Variants in CCT6B observed in about 807,000 individuals in gnomAD.
The protein encoded by CCT6B is chaperonin containing TCP1 subunit 6B.
In CCT6B, 49 loss-of-function variants were observed where a neutral mutation model predicts 61.5. The observed-to-expected ratio is 0.80, with a 90% confidence interval of 0.63 to 1.01. The LOEUF is 1.01. CCT6B is among the 50% of genes least tolerant of loss of function. The probability of loss-of-function intolerance (pLI) is 0.00; values close to 1 mark genes in which losing one functional copy is unlikely to be tolerated. For synonymous variants in CCT6B, 228 were observed against 214.5 expected (o/e 1.06, Z -0.55); for missense variants, 666 against 634.7 (o/e 1.05, Z -0.53).
intron 5 of CCT6B, among the ~76,000 whole-genome samples, chr17:34,947,360 A>G (rs2090235773): frequency 6.6e-6 from 1 of 152,228 alleles, no homozygotes; most frequent in South Asian, 2.1e-4. Flanking sequence ...ACATCATAGT[A>G]AAAGTATACA....
rs1411727230 is a variant in CCT6B at position 34,928,117 on chromosome 17, G to T, written c.1524C>A (p.Cys508Ter). The change falls in exon 14 of 14, where the codon TGC (cysteine) becomes TGA (stop). Residue 508 changes from cysteine (C) to a stop codon, truncating the protein, a stop_gained and splice_region_variant. Coordinates refer to ENST00000314144, the MANE Select transcript of CCT6B (RefSeq NM_006584.4). LOFTEE classifies it high-confidence loss of function. Reference sequence around the variant, plus strand: ...GGAGAATGTTGGTGGCAATCACTGTGCTAAGGAAAAAGATGAGAGGGTGAG... The same window carrying T: ...GGAGAATGTTGGTGGCAATCACTGTTCTAAGGAAAAAGATGAGAGGGTGAG... ...YCVKKQLLHS[C>*]TVIATNILLV... 3.1e-6 allele frequency: 5 copies of T among 1,608,312 alleles called. No homozygotes were observed. Among genetic ancestry groups the T allele is most frequent in the Non-Finnish European group, 1.7e-6 (2 of 1,176,738 alleles).
chr17:34,952,733 AAAT>A (rs2090305395), intron 4 of CCT6B, among the ~76,000 whole-genome samples: 1 of 152,230 alleles, frequency 6.6e-6, no homozygotes, highest in African/African-American at 2.4e-5. Context: ...TAAAAATAAT[AAAT>A]AACTGCAGAA....
At chr17:34,939,116 T>A in intron 10 of CCT6B, 67 bp downstream of exon 10, 2 of 1,256,560 alleles carry the variant, frequency 1.6e-6, no homozygotes. Flanking sequence ...TAGGTGTGTG[T>A]GTATATATAT....
In CCT6B at chr17:34,939,681, T is replaced by G. The variant is rs1429427554; in HGVS notation, c.1001A>C (p.Asn334Thr). Residue 334 changes from asparagine to threonine, a missense_variant, in exon 9 of 14, where the codon AAT becomes ACT. By Grantham distance (65) the Asn-to-Thr change is moderately conservative. Coordinates refer to ENST00000314144, the MANE Select transcript of CCT6B (RefSeq NM_006584.4). ...LSLACGGMAVNSFEDLTVDCL... is the reference protein window; with the variant it reads ...LSLACGGMAVTSFEDLTVDCL... ...ATCTACAGTGAGATCTTCAAAAGAA[T>G]TCACGGCCATTCCACCACAAGCAAG... is the stretch of plus-strand genomic sequence containing the variant. 3.7e-6 allele frequency: 6 copies of G among 1,613,330 alleles called. No homozygotes were observed. Among genetic ancestry groups the G allele is most frequent in the Non-Finnish European group, 3.4e-6 (4 of 1,179,350 alleles).
At chr17:34,961,164 C>T in intron 1 of CCT6B, 93 bp downstream of exon 1, 1 of 1,432,046 alleles carries the variant, frequency 7.0e-7, no homozygotes, top group Non-Finnish European at 9.4e-7. Flanking sequence ...CTCGCAAGAA[C>T]ATCCACAGCG....
chr17:34,944,716 GGAGATC>G (rs1439031350), intron 5 of CCT6B, among the ~76,000 whole-genome samples: 1 of 152,224 alleles, frequency 6.6e-6, no homozygotes, highest in East Asian at 1.9e-4. Context: ...CATGAGGTCA[GGAGATC>G]GAGACCATCC....
chr17:34,960,823 T>A (rs542264743), intron 1 of CCT6B, among the ~76,000 whole-genome samples: 59 of 152,342 alleles, frequency 3.9e-4, no homozygotes, highest in Middle Eastern at 6.8e-3. Flanking sequence ...GGTATTCAAG[T>A]AGAACTTGGA....
At chr17:34,931,503 A>G (rs182209009) in intron 11 of CCT6B, among the ~76,000 whole-genome samples, 94 of 152,198 alleles carry the variant, frequency 6.2e-4, no homozygotes, top group African/African-American at 2.1e-3. Flanking sequence ...GAGAGTCACG[A>G]CCTGTGGTAA....
rs768112367 is a variant in CCT6B, at chr17:34,942,559, T to C, written c.810A>G (p.Arg270=). ...VKAERKFIED[R]VQKIIDLKDK... is the part of the protein sequence containing the mutation. ...CCTTCAGGTCTATTATTTTTTGTAC[T>C]CTATCTTCAATAAATTTTCTTTCAG... Residue 270 remains arginine, a synonymous_variant, in exon 7 of 14, where the codon AGA becomes AGG. Transcript: ENST00000314144. The C allele has an allele frequency of 1.9e-6, 3 of 1,607,776 alleles. No homozygotes were observed. Among genetic ancestry groups the C allele is most frequent in the Middle Eastern group, 1.7e-4 (1 of 6,018 alleles).
intron 4 of CCT6B, among the ~76,000 whole-genome samples, chr17:34,953,341 A>ATATAT (rs1555550678): frequency 2.9e-5 from 4 of 139,828 alleles, no homozygotes; most frequent in African/African-American, 1.1e-4. Context: ...ATATATATAT[A>ATATAT]TTTTTTTGAG....
chr17:34,936,526 T>C (rs1229433698), intron 10 of CCT6B, among the ~76,000 whole-genome samples: 1 of 152,190 alleles, frequency 6.6e-6, no homozygotes, highest in Non-Finnish European at 1.5e-5. Flanking sequence ...ATCACTTATA[T>C]AGATAATTCA....
chr17:34,943,011 T>TG, intron 5 of CCT6B, 105 bp from the exon 6 acceptor site: 1 of 648,498 alleles, frequency 1.5e-6, no homozygotes, highest in Non-Finnish European at 2.6e-6. Context: ...AGGACACACA[T>TG]TGTTTCCTTG....
intron 5 of CCT6B, chr17:34,944,097 T>A (rs1050729650): frequency 3.3e-5 from 5 of 152,202 alleles, no homozygotes; most frequent in African/African-American, 1.2e-4. Context: ...TTACTCCACC[T>A]CTTAACAGAA....
chr17:34,945,895 G>C (rs544310716), intron 5 of CCT6B, among the ~76,000 whole-genome samples: 2 of 152,312 alleles, frequency 1.3e-5, no homozygotes, highest in African/African-American at 4.8e-5. Flanking sequence ...GAGAACTGCA[G>C]GATCAGTAGG....
intron 10 of CCT6B, among the ~76,000 whole-genome samples, chr17:34,934,283 T>C (rs77189975): frequency 0.02 from 2,970 of 152,116 alleles, 97 homozygotes; most frequent in African/African-American, 0.066. Context: ...TCTACAGATA[T>C]TAAAAAGAAT....
rs1032137888 is a variant in CCT6B, at chr17:34,928,258, C to T, written c.1524-141G>A. The T allele has an allele frequency of 6.3e-6, 3 of 475,192 alleles. No individual in the cohort carries two copies. The Admixed American group carries it at 1.2e-4, about 19-fold the overall frequency. 29.4% of individuals were successfully genotyped at this position (475,192 alleles called of 1,614,324 possible). A position where few individuals can be genotyped will look rare whatever the true frequency, so the allele number is the denominator to read the frequency against. ...TTATGAGACAAGGCTATTATAAATA[C>T]AAATACAAATGTCACCTTTTTTTTT... On this transcript the variant is annotated intron_variant, in intron 13 of 13. Coordinates refer to ENST00000314144, the MANE Select transcript of CCT6B (RefSeq NM_006584.4).
At chr17:34,945,936 A>G (rs2090218847) in intron 5 of CCT6B, among the ~76,000 whole-genome samples, 1 of 152,366 alleles carries the variant, frequency 6.6e-6, no homozygotes, top group South Asian at 2.1e-4. Context: ...TTGACAATCC[A>G]GGCAAATCTG....
intron 4 of CCT6B, among the ~76,000 whole-genome samples, chr17:34,953,335 A>ATT (rs1372498385): frequency 1.6e-5 from 2 of 128,934 alleles, no homozygotes; most frequent in African/African-American, 2.7e-5. Flanking sequence ...ATATATATAT[A>ATT]TATATATTTT....
chr17:34,935,021 T>A (rs999812582), intron 10 of CCT6B, among the ~76,000 whole-genome samples: 6 of 152,122 alleles, frequency 3.9e-5, no homozygotes, highest in African/African-American at 1.4e-4. Context: ...ACGTTTCCAA[T>A]AATAGACAAA....
Sources: gnomAD v4.1 joint callset for allele counts (sites outside exome capture counted in the v4.1 genomes callset) on GRCh38, gnomAD v4.1.1 for gene constraint, MANE v1.5 for transcripts, NCBI Gene and HGNC (gene_info 2026-07-23, HGNC 2026-07-21) for gene names.